Variants in PKHD1 observed in about 807,000 individuals in gnomAD.
The protein encoded by PKHD1 is fibrocystin.
PKHD1 carries 291 observed loss-of-function variants against 412.0 expected under a neutral mutation model. The observed-to-expected ratio is 0.71, with a 90% CI of 0.64 to 0.78. The LOEUF is 0.78. Ranked by LOEUF, PKHD1 falls within the 30% of genes least tolerant of loss-of-function variation. The probability of loss-of-function intolerance (pLI) is 0.00; values close to 1 mark genes in which losing one functional copy is unlikely to be tolerated. For synonymous variants in PKHD1, 1,777 were observed against 1,821.5 expected, an observed-to-expected ratio of 0.98 and a Z score of 0.62; for missense variants, 4,825 against 4,950.7, an observed-to-expected ratio of 0.97 and a Z score of 0.76.
chr6:52,042,970 A>C lies in PKHD1; in HGVS notation c.2986T>G (p.Leu996Val), dbSNP rs1428880843. Residue 996 changes from leucine to valine, a missense_variant, in exon 27 of 67, where the codon TTG (leucine) becomes GTG (valine). By Grantham distance (32) the Leu-to-Val change is conservative. Transcript: ENST00000371117. ...AGACCAGAGGGTCTCACCAACATCA[A>C]GATCCGATGCATTCCAACAGGTAGC... ...DLLPVGMHRI[L>V]MLVRPSGLAI... The C allele has an allele frequency of 6.2e-7, 1 of 1,614,074 alleles. No homozygotes were observed. The highest frequency in any genetic ancestry group is 1.1e-5 in the South Asian group (1 of 91,074).
intron 53 of PKHD1, among the ~76,000 whole-genome samples, chr6:51,787,896 A>G (rs1403563360): frequency 6.6e-6 from 1 of 152,186 alleles, no homozygotes; most frequent in African/African-American, 2.4e-5. Context: ...ATCAACTGGA[A>G]ATAAGTTTTG....
intron 55 of PKHD1, among the ~76,000 whole-genome samples, chr6:51,767,309 C>T (rs1249291309): frequency 6.6e-6 from 1 of 151,562 alleles, no homozygotes; most frequent in East Asian, 1.9e-4. Context: ...TTTGGTGTCC[C>T]TCAGTATGTT....
At chr6:51,735,343 C>T (rs529796124) in intron 60 of PKHD1, among the ~76,000 whole-genome samples, 15 of 152,212 alleles carry the variant, frequency 9.9e-5, no homozygotes, top group East Asian at 3.9e-4. Flanking sequence ...AGGGGTATAA[C>T]GATCCCTTCA....
intron 60 of PKHD1, among the ~76,000 whole-genome samples, chr6:51,677,144 T>C (rs1372175957): frequency 6.6e-6 from 1 of 152,196 alleles, no homozygotes; most frequent in African/African-American, 2.4e-5. Flanking sequence ...TAGTTATTAT[T>C]ACAAGTAATA....
intron 63 of PKHD1, among the ~76,000 whole-genome samples, chr6:51,642,127 A>G (rs1253684613): frequency 6.6e-6 from 1 of 152,188 alleles, no homozygotes; most frequent in Non-Finnish European, 1.5e-5. Context: ...CATGATTCTA[A>G]GCTGGCCGGG....
intron 23 of PKHD1, among the ~76,000 whole-genome samples, chr6:52,046,721 T>C (rs933173406): frequency 3.9e-5 from 6 of 152,216 alleles, no homozygotes; most frequent in African/African-American, 1.4e-4. Context: ...TGCTTCCCCA[T>C]TCCATGTCCC....
At chr6:52,026,228 A>G (rs1802164141) in intron 31 of PKHD1, 47 bp from the exon 32 acceptor site, 1 of 1,554,778 alleles carries the variant, frequency 6.4e-7, no homozygotes. Flanking sequence ...GATATTCTGA[A>G]CTAAGAATTC....
At chr6:51,902,636 G>C (rs976328000) in intron 43 of PKHD1, among the ~76,000 whole-genome samples, 6 of 152,168 alleles carry the variant, frequency 3.9e-5, no homozygotes, top group African/African-American at 1.4e-4. Flanking sequence ...TAATGACATA[G>C]TGGATGCTGA....
At chr6:51,956,164 T>C (rs1397953182) in intron 36 of PKHD1, among the ~76,000 whole-genome samples, 1 of 152,046 alleles carries the variant, frequency 6.6e-6, no homozygotes, top group African/African-American at 2.4e-5. Flanking sequence ...AACAGAAATA[T>C]AACTTACCAA....
chr6:51,881,136 A>G (rs1024822338), intron 46 of PKHD1, among the ~76,000 whole-genome samples: 2 of 150,058 alleles, frequency 1.3e-5, no homozygotes, highest in African/African-American at 2.5e-5. Flanking sequence ...GTGGTTCCCA[A>G]ATAAATCTGA....
chr6:52,053,007 A>G, intron 21 of PKHD1, 69 bp downstream of exon 21: 1 of 1,451,472 alleles, frequency 6.9e-7, no homozygotes, highest in South Asian at 1.2e-5. Context: ...AAAAAACAGT[A>G]ACCCCTAGCA....
At chr6:51,673,921 G>A (rs972085881) in intron 60 of PKHD1, among the ~76,000 whole-genome samples, 1 of 151,918 alleles carries the variant, frequency 6.6e-6, no homozygotes, top group African/African-American at 2.4e-5. Flanking sequence ...CTTTCTCACA[G>A]CACCAGGAAC....
At chr6:51,783,416 T>TTAAATAATACATTTATTTTATATTATG in intron 53 of PKHD1, among the ~76,000 whole-genome samples, 1 of 149,082 alleles carries the variant, frequency 6.7e-6, no homozygotes, top group East Asian at 1.9e-4. Flanking sequence ...TTTATATTAT[T>TTAAATAATACATTTATTTTATATTATG]TTAATAATTA....
chr6:52,005,224 G>A (rs1230911435), intron 35 of PKHD1, among the ~76,000 whole-genome samples: 2 of 152,116 alleles, frequency 1.3e-5, no homozygotes, highest in Non-Finnish European at 2.9e-5. Context: ...TAGCTGAGAT[G>A]CTTCTACCTC....
intron 50 of PKHD1, among the ~76,000 whole-genome samples, chr6:51,846,700 T>C (rs757785528): frequency 2.0e-5 from 3 of 152,192 alleles, no homozygotes; most frequent in Non-Finnish European, 4.4e-5. Flanking sequence ...TCTGTGACTC[T>C]GCAGTCACAG....
chr6:51,640,831 A>G (rs1053312341), intron 63 of PKHD1, among the ~76,000 whole-genome samples: 3 of 152,206 alleles, frequency 2.0e-5, no homozygotes, highest in African/African-American at 7.2e-5. Context: ...AGGATATTGA[A>G]GACCTGTAAA....
chr6:51,740,053 C>A (rs781527162), intron 60 of PKHD1: 1 of 518,080 alleles, frequency 1.9e-6, no homozygotes, highest in South Asian at 1.4e-5. Flanking sequence ...TCATCAGATG[C>A]CTCCATAATC....
chr6:52,066,155 G>A, intron 11 of PKHD1, 78 bp from the exon 12 acceptor site: 2 of 672,090 alleles, frequency 3.0e-6, no homozygotes, highest in East Asian at 5.5e-5. Context: ...TATAATAATA[G>A]GAGATATTAA....
intron 52 of PKHD1, among the ~76,000 whole-genome samples, chr6:51,819,751 C>T (rs1306214057): frequency 6.6e-6 from 1 of 152,164 alleles, no homozygotes; most frequent in Non-Finnish European, 1.5e-5. Flanking sequence ...GTTTTCATAT[C>T]ACACATTATG....
Sources: allele counts gnomAD v4.1 joint callset (sites outside exome capture counted in the v4.1 genomes callset), GRCh38; gene constraint gnomAD v4.1.1; transcripts MANE v1.5; gene names NCBI Gene and HGNC (gene_info 2026-07-23, HGNC 2026-07-21).